Variants in GALNT8 observed in about 807,000 individuals in gnomAD.
GALNT8 encodes polypeptide N-acetylgalactosaminyltransferase 8, also known as probable polypeptide N-acetylgalactosaminyltransferase 8.
Under a neutral mutation model 62.7 loss-of-function variants are expected in GALNT8, and 66 were observed. That is an observed-to-expected ratio of 1.05 (90% confidence interval 0.86 to 1.29). The LOEUF is 1.29. GALNT8 is among the 50% of genes most tolerant of loss of function. The pLI is 0.00. For missense variants in GALNT8, 771 were observed against 791.8 expected (o/e 0.97, Z 0.32); for synonymous variants, 288 against 294.3 (o/e 0.98, Z 0.22).
chr12:4,745,425 CT>C lies in GALNT8; in HGVS notation c.861-3del. 1 of 1,595,734 alleles carries C rather than the reference CT, an allele frequency of 6.3e-7. No homozygotes were observed. ...GCTGGGCTTTCTGCACACTCTTGTT[CT>C]AGGGCAGAGCCAATCTTGGCTCGGA... On this transcript the variant is annotated splice_region_variant and splice_polypyrimidine_tract_variant and intron_variant, in intron 4 of 10. Coordinates refer to ENST00000252318, the MANE Select transcript of GALNT8 (RefSeq NM_017417.2).
In GALNT8 at chr12:4,739,194, C is replaced by G. The variant is rs761755086; in HGVS notation, c.541C>G (p.Pro181Ala). 2 of 1,612,616 alleles carry G rather than the reference C, an allele frequency of 1.2e-6. No individual in the cohort carries two copies. The highest frequency in any genetic ancestry group is 1.7e-6 in the Non-Finnish European group (2 of 1,178,756). Residue 181 changes from proline to alanine, a missense_variant, in exon 3 of 11, where the codon CCA (proline) becomes GCA (alanine). Physicochemically the swap from Pro to Ala is conservative, Grantham distance 27. Transcript: ENST00000252318. ...TCGGAAGACATATCCTTCCCAACTC[C>G]CATCCCTCAGTGTCATTCTCATATT... ...CLRKTYPSQL[P>A]SLSVILIFVN...
intron 6 of GALNT8, among the ~76,000 whole-genome samples, chr12:4,755,508 A>G (rs1347905613): frequency 6.6e-6 from 1 of 152,108 alleles, no homozygotes; most frequent in Non-Finnish European, 1.5e-5. Context: ...TGTCCTTTCT[A>G]CCTCTTCAGT....
chr12:4,765,319 T>G (rs1946394145), intron 9 of GALNT8, 60 bp from the exon 10 acceptor site: 5 of 1,435,740 alleles, frequency 3.5e-6, no homozygotes, highest in Non-Finnish European at 4.6e-6. Context: ...TAGGGTCTCC[T>G]GCTGGCTGAC....
chr12:4,768,682 G>A (rs1946410390), intron 10 of GALNT8, among the ~76,000 whole-genome samples: 1 of 152,172 alleles, frequency 6.6e-6, no homozygotes, highest in African/African-American at 2.4e-5. Flanking sequence ...AAAGGGAGGT[G>A]ATCGTGTAAT....
intron 7 of GALNT8, 141 bp from the exon 8 acceptor site, chr12:4,763,112 G>C (rs761820108): frequency 1.5e-6 from 1 of 665,978 alleles, no homozygotes; most frequent in Non-Finnish European, 2.6e-6. Flanking sequence ...TTTCAATCTT[G>C]TCTATCCATT....
At chr12:4,744,755 A>C (rs1366880016) in intron 4 of GALNT8, 55 bp downstream of exon 4, 1 of 1,195,424 alleles carries the variant, frequency 8.4e-7, no homozygotes, top group Non-Finnish European at 1.2e-6. Context: ...GATATTGTGC[A>C]TGTACTGAAC....
chr12:4,769,901 A>G (rs1248388598), intron 10 of GALNT8, among the ~76,000 whole-genome samples: 1 of 152,090 alleles, frequency 6.6e-6, no homozygotes, highest in Non-Finnish European at 1.5e-5. Context: ...TACTTTAAAA[A>G]TGTTTTCCAA....
intron 6 of GALNT8, among the ~76,000 whole-genome samples, chr12:4,751,750 A>G (rs1946323088): frequency 6.6e-6 from 1 of 152,122 alleles, no homozygotes; most frequent in African/African-American, 2.4e-5. Context: ...AATGTCTGTA[A>G]ATATCTATTA....
intron 10 of GALNT8, among the ~76,000 whole-genome samples, chr12:4,766,611 C>T (rs1179573567): frequency 2.0e-5 from 3 of 152,054 alleles, no homozygotes; most frequent in South Asian, 2.1e-4. Context: ...GTGATGATGA[C>T]GCGAGGGTCT....
intron 6 of GALNT8, among the ~76,000 whole-genome samples, chr12:4,754,737 C>T (rs950311118): frequency 6.6e-6 from 1 of 152,130 alleles, no homozygotes; most frequent in Admixed American, 6.5e-5. Flanking sequence ...CAGAGACTTA[C>T]CCACGGCCCT....
At chr12:4,758,639 A>T (rs7305806) in intron 6 of GALNT8, among the ~76,000 whole-genome samples, 13 of 50,322 alleles carry the variant, frequency 2.6e-4, no homozygotes, top group Middle Eastern at 0.011. Context: ...TGTGTGTGTG[A>T]GAGAGAGAGA....
intron 7 of GALNT8, 114 bp from the exon 8 acceptor site, chr12:4,763,139 C>T (rs1946380282): frequency 4.9e-6 from 4 of 812,916 alleles, no homozygotes; most frequent in East Asian, 2.5e-5. Context: ...GGTTGCAGTC[C>T]GTCCACAAGG....
chr12:4,739,432 C>T (rs1946261070), intron 3 of GALNT8, 103 bp downstream of exon 3: 2 of 792,232 alleles, frequency 2.5e-6, no homozygotes, highest in Non-Finnish European at 4.1e-6. Context: ...TTGGGTTTCT[C>T]ATGTAGGGAA....
chr12:4,723,750 CTTTTTTTT>C (rs539656719), intron 1 of GALNT8, among the ~76,000 whole-genome samples: 2 of 124,932 alleles, frequency 1.6e-5, no homozygotes, highest in Non-Finnish European at 1.7e-5. Context: ...ATCACCAATG[CTTTTTTTT>C]TTTTTTTTTT....
At chr12:4,735,234 AT>A (rs976761037) in intron 2 of GALNT8, among the ~76,000 whole-genome samples, 21 of 152,026 alleles carry the variant, frequency 1.4e-4, no homozygotes, top group Admixed American at 8.5e-4. Flanking sequence ...AATTATTTAA[AT>A]TTTTTTTTAC....
intron 2 of GALNT8, among the ~76,000 whole-genome samples, chr12:4,728,214 ATT>A (rs35083515): frequency 1.5e-4 from 23 of 149,844 alleles, no homozygotes; most frequent in Admixed American, 1.1e-3. Flanking sequence ...AAATTGGCTT[ATT>A]TTTTTTTTTA....
chr12:4,753,011 G>A (rs1465667873), intron 6 of GALNT8, among the ~76,000 whole-genome samples: 1 of 152,184 alleles, frequency 6.6e-6, no homozygotes, highest in Non-Finnish European at 1.5e-5. Context: ...CTCCTGGCCT[G>A]TAAGGTTTCC....
At chr12:4,764,086 C>T (rs938524671) in intron 9 of GALNT8, 39 bp downstream of exon 9, 1 of 1,120,626 alleles carries the variant, frequency 8.9e-7, no homozygotes. Flanking sequence ...CTGGGCAAGT[C>T]TGTCGTGGCT....
intron 1 of GALNT8, among the ~76,000 whole-genome samples, chr12:4,722,025 C>A (rs1946172866): frequency 6.6e-6 from 1 of 152,184 alleles, no homozygotes; most frequent in South Asian, 2.1e-4. Context: ...ATCCATTTAA[C>A]CCTGAGTCGA....
Sources: gnomAD v4.1 joint callset for allele counts (sites outside exome capture counted in the v4.1 genomes callset) on GRCh38, gnomAD v4.1.1 for gene constraint, MANE v1.5 for transcripts, NCBI Gene and HGNC (gene_info 2026-07-23, HGNC 2026-07-21) for gene names.